The following FOCAD variants were observed in gnomAD, a reference collection of about 807,000 sequenced individuals.
FOCAD encodes the protein KIAA1797.
Under a neutral mutation model 225.6 loss-of-function variants are expected in FOCAD, and 198 were observed. The observed-to-expected ratio is 0.88, with a 90% confidence interval of 0.78 to 0.99. The LOEUF is 0.99. FOCAD is among the 50% of genes least tolerant of loss of function. The pLI is 0.00. For missense variants in FOCAD, 2,713 were observed against 2,123.6 expected (o/e 1.28, Z -5.46); for synonymous variants, 897 against 755.0 (o/e 1.19, Z -3.08).
At chr9:20,685,196 A>ATTTTTTTTT (rs397959541) in intron 1 of FOCAD, among the ~76,000 whole-genome samples, 1,999 of 142,706 alleles carry the variant, frequency 0.014, 31 homozygotes, top group African/African-American at 0.034. Context: ...TGAGTTGGAA[A>ATTTTTTTTT]TTTTTTTTTT....
chr9:20,962,275 C>G (rs1423485724), intron 35 of FOCAD, among the ~76,000 whole-genome samples: 1 of 152,064 alleles, frequency 6.6e-6, no homozygotes, highest in Non-Finnish European at 1.5e-5. Context: ...GTCTTTTCCA[C>G]TAGGTGTGAT....
At chr9:20,896,489 T>G (rs1832100825) in intron 21 of FOCAD, among the ~76,000 whole-genome samples, 1 of 151,712 alleles carries the variant, frequency 6.6e-6, no homozygotes, top group African/African-American at 2.4e-5. Context: ...CATGTGGGAG[T>G]GGTGCTTTCT....
At chr9:20,840,467 C>G (rs1826408682) in intron 15 of FOCAD, among the ~76,000 whole-genome samples, 1 of 142,702 alleles carries the variant, frequency 7.0e-6, no homozygotes, top group Admixed American at 7.0e-5. Flanking sequence ...ATGTAGAGAT[C>G]TTTTACTTCT....
intron 4 of FOCAD, among the ~76,000 whole-genome samples, chr9:20,732,669 A>G (rs563361363): frequency 6.6e-6 from 1 of 152,238 alleles, no homozygotes; most frequent in East Asian, 1.9e-4. Context: ...AATGGAAAGT[A>G]TTGGGTTTGG....
chr9:20,694,254 C>T (rs1364978662), intron 1 of FOCAD, among the ~76,000 whole-genome samples: 1 of 152,154 alleles, frequency 6.6e-6, no homozygotes, highest in African/African-American at 2.4e-5. Context: ...AGGTCTTAGA[C>T]TCTCTCCACC....
At chr9:20,945,443 T>C (rs547651007) in intron 29 of FOCAD, among the ~76,000 whole-genome samples, 82 of 152,300 alleles carry the variant, frequency 5.4e-4, no homozygotes, top group African/African-American at 1.5e-3. Context: ...TTAGAACAGA[T>C]TCTATTTTAT....
At position 20,734,207 on chromosome 9, in the gene FOCAD, A is replaced by G. The variant is rs183515938; in HGVS notation, c.288-6029A>G. 9.6e-3 allele frequency among the ~76,000 whole-genome samples: 1,461 copies of G among 152,214 alleles called. 22 individuals carry two copies. Among genetic ancestry groups the G allele is most frequent in the South Asian group, 0.034 (166 of 4,820 alleles). On this transcript the variant is annotated intron_variant, in intron 4 of 43. Coordinates refer to ENST00000338382, the MANE Select transcript of FOCAD (RefSeq NM_001375567.1). Reference sequence around the variant, plus strand: ...TTATTGAGCCCTGGTGAAAAGTAGGAAATGGCAGGACTGGAAGGACTCAGG... The same window carrying G: ...TTATTGAGCCCTGGTGAAAAGTAGGGAATGGCAGGACTGGAAGGACTCAGG...
intron 42 of FOCAD, 144 bp from the exon 43 acceptor site, chr9:20,993,109 G>A: frequency 1.6e-6 from 1 of 617,772 alleles, no homozygotes; most frequent in Non-Finnish European, 2.9e-6. Flanking sequence ...ACCTGGGGAA[G>A]GTATTGCCTA....
intron 24 of FOCAD, among the ~76,000 whole-genome samples, chr9:20,922,821 CA>C (rs1412197868): frequency 1.3e-5 from 2 of 152,196 alleles, no homozygotes; most frequent in African/African-American, 4.8e-5. Context: ...AACGAATTGG[CA>C]AACCTAGAGC....
intron 15 of FOCAD, among the ~76,000 whole-genome samples, chr9:20,853,489 C>T (rs1056359823): frequency 6.6e-6 from 1 of 151,672 alleles, no homozygotes; most frequent in African/African-American, 2.4e-5. Context: ...TTTAAAAAGT[C>T]TCTGTTACAC....
intron 34 of FOCAD, among the ~76,000 whole-genome samples, chr9:20,951,481 A>G (rs1324840421): frequency 6.6e-6 from 1 of 152,200 alleles, no homozygotes. Flanking sequence ...GAAACTAGGA[A>G]CCAGGTCCTT....
At chr9:20,713,607 C>G (rs576395625) in intron 1 of FOCAD, among the ~76,000 whole-genome samples, 21 of 152,278 alleles carry the variant, frequency 1.4e-4, no homozygotes, top group African/African-American at 4.8e-4. Flanking sequence ...AGACTGTAAG[C>G]TCCATAAATG....
At chr9:20,757,100 T>C (rs889900404) in intron 5 of FOCAD, among the ~76,000 whole-genome samples, 1 of 152,194 alleles carries the variant, frequency 6.6e-6, no homozygotes, top group Non-Finnish European at 1.5e-5. Context: ...CGGCTAATTT[T>C]GTATTTTTAG....
intron 21 of FOCAD, among the ~76,000 whole-genome samples, chr9:20,892,405 G>T (rs1175044366): frequency 2.0e-5 from 3 of 152,170 alleles, no homozygotes; most frequent in Non-Finnish European, 4.4e-5. Context: ...ATGTCATTAA[G>T]AACATCCGTG....
chr9:20,993,256 A>G lies in FOCAD; in HGVS notation c.5260A>G (p.Ile1754Val), dbSNP rs777353734. ...EPWKEQTQKF[I>V]DWLFSIMESP... ...CTATTTTTCATTTTTACCCTAGTTC[A>G]TTGACTGGCTATTCAGCATCATGGA... is the stretch of plus-strand genomic sequence containing the variant. The change falls in exon 43 of 44, where the codon ATT becomes GTT. Residue 1754 changes from isoleucine to valine, a missense_variant. Transcript: ENST00000338382. 3 of 1,613,386 alleles carry G rather than the reference A, an allele frequency of 1.9e-6. No individual in the cohort carries two copies. In the African/African-American group the frequency reaches 4.0e-5, roughly 22 times the overall value.
At chr9:20,947,377 A>C (rs914845383) in intron 30 of FOCAD, among the ~76,000 whole-genome samples, 1 of 152,222 alleles carries the variant, frequency 6.6e-6, no homozygotes, top group African/African-American at 2.4e-5. Flanking sequence ...GCATTATGCT[A>C]AATGAAATAA....
At chr9:20,918,241 A>G (rs575868750) in intron 24 of FOCAD, among the ~76,000 whole-genome samples, 2 of 152,206 alleles carry the variant, frequency 1.3e-5, no homozygotes, top group Admixed American at 6.5e-5. Flanking sequence ...GAAACTACCA[A>G]CTTTCTCCTA....
At chr9:20,811,403 C>G (rs13297201) in intron 11 of FOCAD, among the ~76,000 whole-genome samples, 28,759 of 151,860 alleles carry the variant, frequency 0.19, 2,886 homozygotes, top group Non-Finnish European at 0.22. Context: ...TGTTGTTATT[C>G]AAGGAATCAC....
chr9:20,728,363 C>T (rs1233004940), intron 4 of FOCAD, among the ~76,000 whole-genome samples: 2 of 152,098 alleles, frequency 1.3e-5, no homozygotes, highest in Admixed American at 1.3e-4. Context: ...TACAGATAGC[C>T]TGAAGGTAAT....
Sources: allele counts gnomAD v4.1 joint callset (sites outside exome capture counted in the v4.1 genomes callset), GRCh38; gene constraint gnomAD v4.1.1; transcripts MANE v1.5; gene names NCBI Gene and HGNC (gene_info 2026-07-23, HGNC 2026-07-21).